The following SLC44A5 variants were observed in gnomAD, a reference collection of about 807,000 sequenced individuals.
SLC44A5 encodes solute carrier family 44 member 5.
A neutral mutation model predicts 101.8 loss-of-function variants in SLC44A5; 57 were observed. That is an observed-to-expected ratio of 0.56 (90% CI 0.45 to 0.70). The LOEUF is 0.70. SLC44A5 is among the 30% of genes least tolerant of loss of function. SLC44A5 has a pLI of 0.00. For synonymous variants in SLC44A5, 281 were observed against 290.9 expected (o/e 0.97, Z 0.35); for missense variants, 737 against 853.1 (o/e 0.86, Z 1.70).
upstream of SLC44A5, among the ~76,000 whole-genome samples, chr1:75,614,029 T>C (rs1675764467): frequency 6.6e-6 from 1 of 152,214 alleles, no homozygotes; most frequent in African/African-American, 2.4e-5. Flanking sequence ...CCATTTACAA[T>C]CTGCAAGGTT....
intron 2 of SLC44A5, among the ~76,000 whole-genome samples, chr1:75,432,774 G>C (rs1189503065): frequency 6.6e-6 from 1 of 151,940 alleles, no homozygotes; most frequent in Non-Finnish European, 1.5e-5. Flanking sequence ...AAATGCGAGG[G>C]TCCATTCCAA....
chr1:75,437,743 T>G (rs2101616656), intron 2 of SLC44A5, among the ~76,000 whole-genome samples: 1 of 152,188 alleles, frequency 6.6e-6, no homozygotes, highest in South Asian at 2.1e-4. Flanking sequence ...CTGGTATTGA[T>G]AGGTGGGCAA....
intron 2 of SLC44A5, among the ~76,000 whole-genome samples, chr1:75,483,352 T>C (rs1401992979): frequency 6.6e-6 from 1 of 152,200 alleles, no homozygotes. Flanking sequence ...AAAAAAAGCT[T>C]AAAAACATTT....
chr1:75,577,058 T>A (rs1673412340), intron 1 of SLC44A5, among the ~76,000 whole-genome samples: 1 of 152,172 alleles, frequency 6.6e-6, no homozygotes, highest in Non-Finnish European at 1.5e-5. Context: ...AAGCCCTGCA[T>A]CTCATTGACT....
intron 7 of SLC44A5, among the ~76,000 whole-genome samples, chr1:75,244,605 C>G (rs1318401900): frequency 6.6e-6 from 1 of 151,932 alleles, no homozygotes; most frequent in Non-Finnish European, 1.5e-5. Flanking sequence ...TGGTCTTTTA[C>G]CAATACCATC....
intron 2 of SLC44A5, among the ~76,000 whole-genome samples, chr1:75,460,786 A>G (rs1666454263): frequency 6.6e-6 from 1 of 152,194 alleles, no homozygotes; most frequent in Non-Finnish European, 1.5e-5. Flanking sequence ...TCATGTCAAC[A>G]TTTAACCAAT....
intron 2 of SLC44A5, among the ~76,000 whole-genome samples, chr1:75,511,904 CATATT>C (rs1305658640): frequency 2.1e-4 from 32 of 152,264 alleles, no homozygotes; most frequent in African/African-American, 7.5e-4. Flanking sequence ...TAAAGAAACT[CATATT>C]ATAATCTCAA....
chr1:75,512,119 T>C (rs1557862079), intron 2 of SLC44A5, among the ~76,000 whole-genome samples: 1 of 152,046 alleles, frequency 6.6e-6, no homozygotes, highest in Non-Finnish European at 1.5e-5. Context: ...ACGTAAAAAA[T>C]AAAAGCGTTG....
At chr1:75,711,921 T>G in the SLC44A5 span, among the ~76,000 whole-genome samples, 1 of 152,348 alleles carries the variant, frequency 6.6e-6, no homozygotes, top group East Asian at 1.9e-4. Context: ...CTGTTTGGTC[T>G]CAGATATTTC....
intron 2 of SLC44A5, among the ~76,000 whole-genome samples, chr1:75,458,799 C>T (rs1210669635): frequency 6.6e-6 from 1 of 152,066 alleles, no homozygotes; most frequent in Non-Finnish European, 1.5e-5. Context: ...ATTTGCTTTT[C>T]CAGTGCCTAA....
the SLC44A5 span, among the ~76,000 whole-genome samples, chr1:75,694,024 T>C: frequency 0.032 from 4,765 of 151,238 alleles, 251 homozygotes; most frequent in African/African-American, 0.11. Context: ...TGAAATGGGA[T>C]GATAGTTAGG....
chr1:75,257,801 G>A (rs906784757), intron 6 of SLC44A5, among the ~76,000 whole-genome samples: 4 of 152,078 alleles, frequency 2.6e-5, no homozygotes, highest in Non-Finnish European at 4.4e-5. Flanking sequence ...AGCTCCCAGC[G>A]AGAACTACTC....
the SLC44A5 span, among the ~76,000 whole-genome samples, chr1:75,687,567 G>A: frequency 2.4e-4 from 37 of 152,080 alleles, no homozygotes; most frequent in Non-Finnish European, 3.7e-4. Flanking sequence ...GCCTCCCAAA[G>A]TGCTGGGATT....
chr1:75,399,437 C>G (rs773612189), intron 2 of SLC44A5, among the ~76,000 whole-genome samples: 1 of 152,030 alleles, frequency 6.6e-6, no homozygotes, highest in Non-Finnish European at 1.5e-5. Flanking sequence ...GAGATATTCT[C>G]GAGGGCAATA....
chr1:75,681,711 CCT>C, the SLC44A5 span, among the ~76,000 whole-genome samples: 1 of 148,592 alleles, frequency 6.7e-6, no homozygotes, highest in Non-Finnish European at 1.5e-5. Flanking sequence ...ACAGGGATGC[CCT>C]CTCTCACCAC....
chr1:75,649,983 A>G, the SLC44A5 span, among the ~76,000 whole-genome samples: 6 of 152,208 alleles, frequency 3.9e-5, no homozygotes, highest in Non-Finnish European at 7.3e-5. Flanking sequence ...CTGATTTATA[A>G]TAACAATCCA....
chr1:75,402,783 C>T (rs1326659951), intron 2 of SLC44A5, among the ~76,000 whole-genome samples: 3 of 152,144 alleles, frequency 2.0e-5, no homozygotes, highest in African/African-American at 7.2e-5. Context: ...TGGGCAGACA[C>T]TCAGCTCAGC....
At chr1:75,584,612 A>G (rs1673890521) in intron 1 of SLC44A5, among the ~76,000 whole-genome samples, 1 of 151,976 alleles carries the variant, frequency 6.6e-6, no homozygotes, top group Non-Finnish European at 1.5e-5. Flanking sequence ...AGTATTTTTG[A>G]GACTGAGTTT....
At chr1:75,269,993 C>T (rs945417996) in intron 6 of SLC44A5, among the ~76,000 whole-genome samples, 40 of 152,104 alleles carry the variant, frequency 2.6e-4, no homozygotes, top group Non-Finnish European at 5.4e-4. Flanking sequence ...GGGGAAACCC[C>T]TTTCACTTGG....
Sources: gnomAD v4.1 joint callset for allele counts (sites outside exome capture counted in the v4.1 genomes callset) on GRCh38, gnomAD v4.1.1 for gene constraint, MANE v1.5 for transcripts, NCBI Gene and HGNC (gene_info 2026-07-23, HGNC 2026-07-21) for gene names.